The following CARD10 variants were observed in gnomAD, a reference collection of about 807,000 sequenced individuals.
CARD10 encodes the protein caspase recruitment domain-containing protein 10.
A neutral mutation model predicts 114.6 loss-of-function variants in CARD10; 49 were observed. The observed-to-expected ratio is 0.43, with a 90% confidence interval of 0.34 to 0.54. CARD10 has a LOEUF of 0.54. Among genes scored for constraint, CARD10 ranks in the 20% least tolerant of loss-of-function variants. CARD10 has a pLI of 0.03. For missense variants in CARD10, 1,206 were observed against 1,397.2 expected (o/e 0.86, Z 2.18); for synonymous variants, 602 against 593.2 (o/e 1.01, Z -0.21).
intron 4 of CARD10, chr22:37,509,083 G>A (rs1328332586): frequency 6.5e-7 from 1 of 1,547,762 alleles, no homozygotes; most frequent in East Asian, 2.4e-5. Flanking sequence ...AAGGGGCTGA[G>A]CCTGGCCCAT....
At position 37,496,129 on chromosome 22, in the gene CARD10, CCTT is replaced by C; in HGVS notation, c.2060-129_2060-127del. 2.4e-6 allele frequency: 3 copies of C among 1,246,580 alleles called. No individual in the cohort carries two copies. Among genetic ancestry groups the C allele is most frequent in the South Asian group, 3.0e-5 (2 of 66,740 alleles). 77.2% of individuals were successfully genotyped at this position (1,246,580 alleles called of 1,614,324 possible). A position where few individuals can be genotyped will look rare whatever the true frequency, so the allele number is the denominator to read the frequency against. On this transcript the variant is annotated intron_variant, in intron 13 of 19. Coordinates refer to ENST00000251973, the MANE Select transcript of CARD10 (RefSeq NM_014550.4). This position sits in a 1 kb window ranked among gnomAD's most constrained non-coding sequence, Gnocchi z 4.1. ...CTGAGTTCCCAGGACCCGACCTTCA[CCTT>C]CTTAGAATGACTTAGGTCCAGAGGG...
intron 19 of CARD10, 24 bp from the exon 20 acceptor site, chr22:37,491,417 G>T: frequency 2.1e-6 from 3 of 1,433,974 alleles, no homozygotes; most frequent in Non-Finnish European, 2.8e-6. Context: ...AGTGAGCAGC[G>T]GTCAAAGTGG....
Position 37,490,998 on chromosome 22 carries a change from G to A in CARD10, c.*161C>T, listed in dbSNP as rs878866577. ...TCTGTCCCGGGACTCCCATAGGCTC[G>A]GCAGGGCCAGAGACAGCCTTGGGGG... is the stretch of plus-strand genomic sequence containing the variant. On this transcript the variant is annotated 3_prime_UTR_variant, in exon 20 of 20. Coordinates refer to ENST00000251973, the MANE Select transcript of CARD10 (RefSeq NM_014550.4). The A allele has an allele frequency of 1.3e-5, 8 of 620,808 alleles. No individual in the cohort carries two copies. Among genetic ancestry groups the A allele is most frequent in the Non-Finnish European group, 2.0e-5 (7 of 357,430 alleles). The allele number at this position is 620,808 out of a possible 1,614,324, so 38.5% of individuals were successfully genotyped here.
intron 11 of CARD10, among the ~76,000 whole-genome samples, chr22:37,500,822 A>G (rs1314449775): frequency 6.6e-6 from 1 of 152,192 alleles, no homozygotes; most frequent in East Asian, 1.9e-4. Flanking sequence ...AACAATGGCG[A>G]CAATAATCAT....
In CARD10 at chr22:37,518,020, G is replaced by A. The variant is rs757574816; in HGVS notation, c.324C>T (p.Phe108=). The A allele has an allele frequency of 6.2e-7, 1 of 1,614,088 alleles. No homozygotes were observed. The highest frequency in any genetic ancestry group is 1.1e-5 in the South Asian group (1 of 91,078). The stretch of plus-strand genomic sequence containing the variant: ...CGGGTTCCTGGCCCGTGAGCAGCGT[G>A]AAGTGTTCGGGGTAGTAGAACTCCA... ...EALEFYYPEH[F]TLLTGQEPAQ... is the part of the protein sequence containing the mutation. The change falls in exon 2 of 20, where the codon TTC becomes TTT. Residue 108 remains phenylalanine, a synonymous_variant. Transcript: ENST00000251973.
intron 4 of CARD10, 49 bp from the exon 5 acceptor site, chr22:37,508,731 C>T: frequency 6.6e-7 from 1 of 1,504,122 alleles, no homozygotes; most frequent in South Asian, 1.2e-5. Flanking sequence ...AGGGGCCCAC[C>T]CTGGGTGTGG....
chr22:37,491,743 C>A lies in CARD10; in HGVS notation c.2864+12G>T. 9.3e-7 allele frequency: 1 copy of A among 1,071,194 alleles called. No individual in the cohort carries two copies. The highest frequency in any genetic ancestry group is 1.4e-6 in the Non-Finnish European group (1 of 693,992). The allele number at this position is 1,071,194 out of a possible 1,614,324, so 66.4% of individuals were successfully genotyped here. A position where few individuals can be genotyped will look rare whatever the true frequency, so the allele number is the denominator to read the frequency against. ...CGAGTGCCCTGCCCACTGCCCCACCCACCCACCTCACCTGACTTCCCGGAC... is the reference window on the plus strand; with the variant it reads ...CGAGTGCCCTGCCCACTGCCCCACCAACCCACCTCACCTGACTTCCCGGAC... On this transcript the variant is annotated intron_variant, in intron 19 of 19. Transcript: ENST00000251973.
Position 37,491,376 on chromosome 22 carries a change from GGCCGGCCCAGCAGACCCCT to G in CARD10, c.2865-2_2881del. On this transcript the variant is annotated splice_acceptor_variant and coding_sequence_variant, in exon 20 of 20. Transcript: ENST00000251973. LOFTEE classifies it high-confidence loss of function. Reference sequence around the variant, plus strand: ...CAGCAGCTCTGAGTCCCGCCAGCCCGGCCGGCCCAGCAGACCCCTGCCGAGAGAAGAGTGAGCAGCGGTC... The same window carrying G: ...CAGCAGCTCTGAGTCCCGCCAGCCCGGCCGAGAGAAGAGTGAGCAGCGGTC... The G allele has an allele frequency of 6.7e-7, 1 of 1,501,570 alleles. No homozygotes were observed. Among genetic ancestry groups the G allele is most frequent in the Non-Finnish European group, 8.9e-7 (1 of 1,126,434 alleles). The allele number at this position is 1,501,570 out of a possible 1,614,324, so 93.0% of individuals were successfully genotyped here.
At chr22:37,495,450 C>T in intron 15 of CARD10, 67 bp downstream of exon 15, 1 of 1,302,542 alleles carries the variant, frequency 7.7e-7, no homozygotes, top group Non-Finnish European at 1.1e-6. Context: ...GAGAACAGAG[C>T]CTGCTAGCTC....
At position 37,504,677 on chromosome 22, in the gene CARD10, A is replaced by G; in HGVS notation, c.1476T>C (p.Thr492=). The stretch of plus-strand genomic sequence containing the variant: ...GTCCCCCCATGACAGCTGCCTCCCC[A>G]GTTGCTTCTGGGCCTCCCAGAGGGG... The part of the protein sequence containing the change: ...FPSPLGGPEA[T]GEAAVMGGPE... The change falls in exon 8 of 20, where the codon ACT becomes ACC. Residue 492 remains threonine (T), a synonymous_variant. Transcript: ENST00000251973. 2 of 1,570,176 alleles carry G rather than the reference A, an allele frequency of 1.3e-6. No homozygotes were observed. The highest frequency in any genetic ancestry group is 1.7e-6 in the Non-Finnish European group (2 of 1,160,340).
chr22:37,516,177 C>T lies in CARD10; in HGVS notation c.495G>A (p.Glu165=). 6.3e-7 allele frequency: 1 copy of T among 1,593,304 alleles called. No homozygotes were observed. Among genetic ancestry groups the T allele is most frequent in the East Asian group, 2.3e-5 (1 of 44,080 alleles). The change falls in exon 3 of 20, where the codon GAG becomes GAA. Residue 165 remains glutamate, a synonymous_variant. Transcript: ENST00000251973. ...GCTGCTCCAGCCCTGCCCGCTCCTC[C>T]TCGAGCACCCGGCCCCGGGCCTGCA... ...QQLQARGRVL[E]EERAGLEQRL...
rs898576190 is a variant in CARD10, at chr22:37,491,215, G to C, written c.3043C>G (p.Leu1015Val). 2.5e-6 allele frequency: 4 copies of C among 1,572,050 alleles called. No individual in the cohort carries two copies. In the Admixed American group the frequency reaches 7.4e-5, roughly 29 times the overall value. Residue 1015 changes from leucine to valine, a missense_variant, in exon 20 of 20, where the codon CTC becomes GTC. Leu to Val is a conservative substitution (Grantham distance 32). Transcript: ENST00000251973. ...RGRILQEQAR[L>V]VWVECGSSRG... The stretch of plus-strand genomic sequence containing the variant: ...CTGCTGCCGCACTCCACCCACACGA[G>C]GCGGGCCTGCTCCTGCAGGATGCGG...
At chr22:37,497,489 C>T (rs937369216) in intron 11 of CARD10, among the ~76,000 whole-genome samples, 15 of 152,196 alleles carry the variant, frequency 9.9e-5, no homozygotes, top group Non-Finnish European at 8.8e-5. Context: ...CGAACACCTT[C>T]AGGACCAAAC....
chr22:37,504,543 C>T, intron 8 of CARD10, 92 bp downstream of exon 8: 1 of 1,456,332 alleles, frequency 6.9e-7, no homozygotes, highest in African/African-American at 1.4e-5. Context: ...GTGTCCTCAC[C>T]TGTGAAATGG....
At chr22:37,518,897 C>A (rs1264445695) in intron 1 of CARD10, 69 bp downstream of exon 1, 2 of 1,448,484 alleles carry the variant, frequency 1.4e-6, no homozygotes, top group East Asian at 2.6e-5. Flanking sequence ...TCGCGCTACA[C>A]GGCTGTGGGC....
At chr22:37,506,944 G>A (rs933720870) in intron 6 of CARD10, among the ~76,000 whole-genome samples, 1 of 152,222 alleles carries the variant, frequency 6.6e-6, no homozygotes, top group Non-Finnish European at 1.5e-5. Flanking sequence ...CCCCAAATTT[G>A]CACTTTCAAG....
chr22:37,500,767 C>T (rs147812652), intron 11 of CARD10, among the ~76,000 whole-genome samples: 113 of 152,258 alleles, frequency 7.4e-4, no homozygotes, highest in African/African-American at 2.4e-3. Context: ...GTCTGTGTAA[C>T]GAGGTTAAAA....
intron 1 of CARD10, among the ~76,000 whole-genome samples, chr22:37,518,733 G>A (rs1923926151): frequency 6.6e-6 from 1 of 152,236 alleles, no homozygotes; most frequent in Non-Finnish European, 1.5e-5. Flanking sequence ...GGAAGTGGGA[G>A]AGAACCCCAA....
At chr22:37,509,229 G>T in intron 4 of CARD10, 1 of 1,236,618 alleles carries the variant, frequency 8.1e-7, no homozygotes. Context: ...CCATGCAGCT[G>T]CTGACCTGCC....
Sources: gnomAD v4.1 joint callset for allele counts (sites outside exome capture counted in the v4.1 genomes callset) on GRCh38, gnomAD v4.1.1 for gene constraint, Gnocchi (gnomAD v3.1) non-coding constraint, MANE v1.5 for transcripts, NCBI Gene and HGNC (gene_info 2026-07-23, HGNC 2026-07-21) for gene names.